The following KCND2 variants were observed in gnomAD, a reference collection of about 807,000 sequenced individuals.
KCND2 encodes the protein A-type voltage-gated potassium channel KCND2.
Under a neutral mutation model 54.4 loss-of-function variants are expected in KCND2, and 16 were observed. The ratio of observed to expected loss-of-function variants is 0.29; its 90% CI spans 0.20 to 0.45. The LOEUF (loss-of-function observed/expected upper bound fraction) is 0.45. Ranked by LOEUF, KCND2 falls within the 20% of genes least tolerant of loss-of-function variation. KCND2 has a pLI of 1.00. For synonymous variants in KCND2, 317 were observed against 310.7 expected (o/e 1.02, Z -0.21); for missense variants, 486 against 824.2 (o/e 0.59, Z 5.02).
intron 1 of KCND2, among the ~76,000 whole-genome samples, chr7:120,305,874 T>G (rs1196634829): frequency 6.6e-6 from 1 of 152,180 alleles, no homozygotes; most frequent in Non-Finnish European, 1.5e-5. Context: ...TGAATCCATT[T>G]TAAGGGTCCA....
At chr7:120,646,470 A>G (rs966122145) in intron 1 of KCND2, among the ~76,000 whole-genome samples, 4 of 151,964 alleles carry the variant, frequency 2.6e-5, no homozygotes, top group Non-Finnish European at 4.4e-5. Context: ...TTGTCTTTCA[A>G]TTTTGTTTAT....
chr7:120,702,131 G>T (rs1466078887), intron 1 of KCND2, among the ~76,000 whole-genome samples: 2 of 151,950 alleles, frequency 1.3e-5, no homozygotes, highest in Non-Finnish European at 2.9e-5. Context: ...TAAAAAGTGG[G>T]CAAAGGACAT....
At chr7:120,742,651 A>T in intron 4 of KCND2, 49 bp downstream of exon 4, 3 of 1,431,640 alleles carry the variant, frequency 2.1e-6, no homozygotes, top group Non-Finnish European at 3.0e-6. Flanking sequence ...CAGTAATTCC[A>T]TTTGCTTTTG....
chr7:120,642,562 TAAAAAATAA>T (rs1457408602), intron 1 of KCND2, among the ~76,000 whole-genome samples: 2 of 110,454 alleles, frequency 1.8e-5, no homozygotes, highest in African/African-American at 9.0e-5. Context: ...TCAATAAAAA[TAAAAAATAA>T]AAAAAAATAT....
intron 1 of KCND2, among the ~76,000 whole-genome samples, chr7:120,590,046 G>T (rs910560596): frequency 1.3e-5 from 2 of 151,796 alleles, no homozygotes; most frequent in African/African-American, 4.8e-5. Context: ...ACGGAGTCTC[G>T]CCCTGTCACC....
intron 1 of KCND2, among the ~76,000 whole-genome samples, chr7:120,494,994 T>A (rs1802830114): frequency 6.6e-6 from 1 of 152,192 alleles, no homozygotes; most frequent in Non-Finnish European, 1.5e-5. Flanking sequence ...ATGGAGTGTA[T>A]AATTGGTGCT....
At chr7:120,503,793 T>A (rs2116320585) in intron 1 of KCND2, among the ~76,000 whole-genome samples, 1 of 152,032 alleles carries the variant, frequency 6.6e-6, no homozygotes, top group Non-Finnish European at 1.5e-5. Context: ...CTTATTCAAT[T>A]TGGGGGGAGT....
intron 1 of KCND2, among the ~76,000 whole-genome samples, chr7:120,589,212 G>A (rs531191221): frequency 1.6e-4 from 25 of 152,292 alleles, no homozygotes; most frequent in African/African-American, 5.8e-4. Context: ...TAAGTGAATA[G>A]TAGAATTATA....
intron 1 of KCND2, among the ~76,000 whole-genome samples, chr7:120,371,803 G>C (rs961739277): frequency 2.0e-5 from 3 of 151,844 alleles, no homozygotes; most frequent in African/African-American, 7.3e-5. Flanking sequence ...AGGAGCAATA[G>C]GCTATACCAT....
At chr7:120,621,663 G>T (rs988989108) in intron 1 of KCND2, among the ~76,000 whole-genome samples, 12 of 152,132 alleles carry the variant, frequency 7.9e-5, no homozygotes, top group Admixed American at 7.2e-4. Flanking sequence ...AATAAAAAAT[G>T]AAGTAGGTAA....
At chr7:120,474,702 A>G (rs1012871349) in intron 1 of KCND2, among the ~76,000 whole-genome samples, 1 of 151,766 alleles carries the variant, frequency 6.6e-6, no homozygotes, top group Non-Finnish European at 1.5e-5. Context: ...TGTTTCTTTG[A>G]TTTATCTAAC....
At chr7:120,644,607 C>A (rs575718710) in intron 1 of KCND2, among the ~76,000 whole-genome samples, 11 of 152,280 alleles carry the variant, frequency 7.2e-5, no homozygotes, top group African/African-American at 2.6e-4. Flanking sequence ...AATATTCCCC[C>A]TGGGCAGAAA....
chr7:120,594,563 C>T (rs994445998), intron 1 of KCND2, among the ~76,000 whole-genome samples: 1 of 152,198 alleles, frequency 6.6e-6, no homozygotes, highest in Non-Finnish European at 1.5e-5. Context: ...TCTATTTCAA[C>T]GTGTGAATTT....
At chr7:120,494,684 G>A (rs1802826297) in intron 1 of KCND2, among the ~76,000 whole-genome samples, 1 of 152,134 alleles carries the variant, frequency 6.6e-6, no homozygotes, top group African/African-American at 2.4e-5. Context: ...GCTAAAGTAT[G>A]GCTGGAGATA....
intron 1 of KCND2, among the ~76,000 whole-genome samples, chr7:120,527,250 A>C (rs1001479228): frequency 1.3e-5 from 2 of 152,146 alleles, no homozygotes; most frequent in Non-Finnish European, 2.9e-5. Context: ...CATCTATAAA[A>C]CATGTTGCAA....
chr7:120,718,011 C>CA (rs1244292141), intron 1 of KCND2, among the ~76,000 whole-genome samples: 1 of 152,068 alleles, frequency 6.6e-6, no homozygotes, highest in Non-Finnish European at 1.5e-5. Context: ...TGGTAGGCAG[C>CA]AACCAGGGCA....
At chr7:120,366,777 A>G (rs1351416699) in intron 1 of KCND2, among the ~76,000 whole-genome samples, 1 of 152,152 alleles carries the variant, frequency 6.6e-6, no homozygotes, top group African/African-American at 2.4e-5. Context: ...TTAAAAGAAC[A>G]GATTGGACCA....
intron 1 of KCND2, among the ~76,000 whole-genome samples, chr7:120,497,498 C>G (rs952422747): frequency 6.6e-6 from 1 of 152,168 alleles, no homozygotes; most frequent in Non-Finnish European, 1.5e-5. Flanking sequence ...TTAGAACTTT[C>G]AAATGATAGA....
intron 1 of KCND2, among the ~76,000 whole-genome samples, chr7:120,559,225 T>C (rs1238862171): frequency 6.6e-6 from 1 of 152,178 alleles, no homozygotes; most frequent in Non-Finnish European, 1.5e-5. Context: ...AAACTTGTAT[T>C]TTCTAATAAT....
Sources: allele counts gnomAD v4.1 joint callset (sites outside exome capture counted in the v4.1 genomes callset), GRCh38; gene constraint gnomAD v4.1.1; transcripts MANE v1.5; gene names NCBI Gene and HGNC (gene_info 2026-07-23, HGNC 2026-07-21).